The following CEP170 variants were observed in gnomAD, a reference collection of about 807,000 sequenced individuals.
CEP170 encodes the protein centrosomal protein 170.
In CEP170, 21 loss-of-function variants were observed where a neutral mutation model predicts 151.9. That is an observed-to-expected ratio of 0.14 (90% CI 0.10 to 0.20). CEP170 has a LOEUF of 0.20. Ranked by LOEUF, CEP170 falls within the 10% of genes least tolerant of loss-of-function variation. CEP170 has a pLI of 1.00. For missense variants in CEP170, 964 were observed against 1,892.9 expected (o/e 0.51, Z 9.11); for synonymous variants, 356 against 648.8 (o/e 0.55, Z 6.86).
intron 1 of CEP170, among the ~76,000 whole-genome samples, chr1:243,227,372 T>C (rs992992836): frequency 2.0e-5 from 3 of 152,220 alleles, no homozygotes; most frequent in Non-Finnish European, 2.9e-5. Flanking sequence ...GTCATTTGTT[T>C]AAAGTAAAGT....
intron 12 of CEP170, among the ~76,000 whole-genome samples, chr1:243,167,779 T>C (rs2058544017): frequency 6.6e-6 from 1 of 151,904 alleles, no homozygotes; most frequent in African/African-American, 2.4e-5. Flanking sequence ...TCTTGTTTTG[T>C]TTCTTCTTTC....
At chr1:243,228,644 T>G (rs1170256742) in intron 1 of CEP170, among the ~76,000 whole-genome samples, 1 of 152,140 alleles carries the variant, frequency 6.6e-6, no homozygotes, top group Non-Finnish European at 1.5e-5. Context: ...AACCCAATAT[T>G]AAGACATGTT....
chr1:243,187,731 A>G (rs2060025808), intron 8 of CEP170, among the ~76,000 whole-genome samples: 1 of 152,196 alleles, frequency 6.6e-6, no homozygotes, highest in Non-Finnish European at 1.5e-5. Context: ...TTTAGAGATT[A>G]CTAACTGGTC....
intron 3 of CEP170, among the ~76,000 whole-genome samples, chr1:243,218,506 A>C (rs2062510802): frequency 6.6e-6 from 1 of 152,220 alleles, no homozygotes; most frequent in Non-Finnish European, 1.5e-5. Flanking sequence ...CAGGCAGAAC[A>C]ACCTCATTTC....
intron 8 of CEP170, among the ~76,000 whole-genome samples, chr1:243,189,556 C>CAA (rs55684224): frequency 7.5e-4 from 49 of 65,768 alleles, no homozygotes; most frequent in Non-Finnish European, 1.4e-3. Context: ...ACTCTGTCTC[C>CAA]AAAAAAAAAA....
intron 4 of CEP170, among the ~76,000 whole-genome samples, chr1:243,211,003 T>C (rs1387965669): frequency 6.6e-6 from 1 of 151,926 alleles, no homozygotes; most frequent in Non-Finnish European, 1.5e-5. Context: ...GCTGAGACTA[T>C]GCTTTTTCTG....
intron 13 of CEP170, among the ~76,000 whole-genome samples, chr1:243,163,636 T>C (rs2058234131): frequency 6.6e-6 from 1 of 152,220 alleles, no homozygotes; most frequent in Non-Finnish European, 1.5e-5. Context: ...ACAGCCCAGT[T>C]TGGCCAATAT....
intron 1 of CEP170, among the ~76,000 whole-genome samples, chr1:243,239,800 T>C (rs560414557): frequency 1.3e-5 from 2 of 152,364 alleles, no homozygotes; most frequent in South Asian, 2.1e-4. Flanking sequence ...TTCATTTTTG[T>C]CTATTTTCCC....
rs1477661928 is a variant in CEP170, at chr1:243,221,805, A to G, written c.114T>C (p.Ser38=). ...DDCELMLQSR[S]VDKQHAVINY... is the part of the protein sequence containing the mutation. Reference sequence around the variant, plus strand: ...TGATGACAGCGTGTTGCTTATCCACACTACGAGACTGAAAGGAATGTTGTC... The same window carrying G: ...TGATGACAGCGTGTTGCTTATCCACGCTACGAGACTGAAAGGAATGTTGTC... Residue 38 remains serine (S), a synonymous_variant, in exon 3 of 20, where the codon AGT becomes AGC. Coordinates refer to ENST00000366542, the MANE Select transcript of CEP170 (RefSeq NM_014812.3). 1.2e-6 allele frequency: 2 copies of G among 1,608,966 alleles called. No homozygotes were observed. The highest frequency in any genetic ancestry group is 1.7e-6 in the Non-Finnish European group (2 of 1,178,190).
intron 3 of CEP170, among the ~76,000 whole-genome samples, chr1:243,212,941 A>G (rs1433384480): frequency 1.3e-5 from 2 of 152,212 alleles, no homozygotes; most frequent in East Asian, 3.9e-4. Context: ...CTGGGATTAT[A>G]GGTGTGAGCC....
chr1:243,200,011 T>A (rs186245272), intron 6 of CEP170, among the ~76,000 whole-genome samples: 2 of 152,198 alleles, frequency 1.3e-5, no homozygotes, highest in South Asian at 2.1e-4. Flanking sequence ...TAGCTGCAGA[T>A]GAAAAATGTT....
rs1472642554 is a variant in CEP170, at chr1:243,152,783, G to A, written c.3911+3438C>T. Among the ~76,000 whole-genome samples, 16 of 144,616 alleles carry A rather than the reference G, an allele frequency of 1.1e-4. No homozygotes were observed. The East Asian group carries it at 1.3e-3, about 11-fold the overall frequency. The allele number at this position is 144,616 out of a possible 152,430, so 94.9% of individuals were successfully genotyped here. A position where few individuals can be genotyped will look rare whatever the true frequency, so the allele number is the denominator to read the frequency against. On this transcript the variant is annotated intron_variant, in intron 14 of 19. Coordinates refer to ENST00000366542, the MANE Select transcript of CEP170 (RefSeq NM_014812.3). ...CCTGACCTCGTGATCTGCCTGCCTC[G>A]GCCTCCCAAAGTGCTGGGATTACAG...
intron 10 of CEP170, chr1:243,176,861 C>A (rs1322481040): frequency 6.8e-5 from 27 of 397,592 alleles, no homozygotes; most frequent in Middle Eastern, 3.6e-4. Context: ...AACCAAATAT[C>A]CATAAGAACC....
intron 1 of CEP170, among the ~76,000 whole-genome samples, chr1:243,237,405 A>C (rs141180161): frequency 1.5e-3 from 225 of 152,312 alleles, no homozygotes; most frequent in African/African-American, 5.2e-3. Context: ...ATATTCATAT[A>C]TGGCTAGTGG....
intron 1 of CEP170, among the ~76,000 whole-genome samples, chr1:243,248,022 G>A (rs2149181314): frequency 6.6e-6 from 1 of 152,322 alleles, no homozygotes; most frequent in Admixed American, 6.5e-5. Flanking sequence ...GGCAGCAGCA[G>A]CTGCCATACT....
chr1:243,206,412 C>T (rs2061426080), intron 4 of CEP170, among the ~76,000 whole-genome samples: 1 of 152,192 alleles, frequency 6.6e-6, no homozygotes, highest in African/African-American at 2.4e-5. Context: ...GGATTATAGG[C>T]GTGGGCCACC....
chr1:243,227,951 C>T (rs2063439375), intron 1 of CEP170, among the ~76,000 whole-genome samples: 1 of 152,196 alleles, frequency 6.6e-6, no homozygotes, highest in South Asian at 2.1e-4. Context: ...TTTTATTCTG[C>T]ATGACCTTAG....
rs1403588118 is a variant in CEP170 at position 243,209,707 on chromosome 1, T to A, written c.274+2179A>T. Among the ~76,000 whole-genome samples the A allele has an allele frequency of 5.3e-5, 8 of 150,884 alleles. No homozygotes were observed. The East Asian group carries it at 1.6e-3, about 29-fold the overall frequency. On this transcript the variant is annotated intron_variant, in intron 4 of 19. Transcript: ENST00000366542. ...ATGGTTTTTTTTTTTTGAGACGGAG[T>A]CTGGCTCTGTTGCCCAGGCTGGAGT...
intron 7 of CEP170, among the ~76,000 whole-genome samples, chr1:243,193,023 A>G (rs2060411737): frequency 6.6e-6 from 1 of 152,122 alleles, no homozygotes; most frequent in African/African-American, 2.4e-5. Flanking sequence ...AACATGAAAG[A>G]AAAGTATTGG....
Sources: allele counts gnomAD v4.1 joint callset (sites outside exome capture counted in the v4.1 genomes callset), GRCh38; gene constraint gnomAD v4.1.1; transcripts MANE v1.5; gene names NCBI Gene and HGNC (gene_info 2026-07-23, HGNC 2026-07-21).